The following XRCC4 variants were observed in gnomAD, a reference collection of about 807,000 sequenced individuals.
The protein encoded by XRCC4 is DNA repair protein XRCC4.
XRCC4 carries 28 observed loss-of-function variants against 39.1 expected under a neutral mutation model. That is an observed-to-expected ratio of 0.72 (90% CI 0.53 to 0.98). The LOEUF is 0.98. Ranked by LOEUF, XRCC4 falls within the 50% of genes least tolerant of loss-of-function variation. The probability of loss-of-function intolerance (pLI) is 0.00; values close to 1 mark genes in which losing one functional copy is unlikely to be tolerated. For synonymous variants in XRCC4, 123 were observed against 126.4 expected, an observed-to-expected ratio of 0.97 and a Z score of 0.18; for missense variants, 350 against 376.4, an observed-to-expected ratio of 0.93 and a Z score of 0.58.
At chr5:83,361,353 G>T in the XRCC4 span, among the ~76,000 whole-genome samples, 1 of 152,114 alleles carries the variant, frequency 6.6e-6, no homozygotes, top group Non-Finnish European at 1.5e-5. Flanking sequence ...ATGAGTTTCT[G>T]TAGGATATAT....
At chr5:83,182,134 G>A (rs1750234679) in intron 3 of XRCC4, among the ~76,000 whole-genome samples, 1 of 152,092 alleles carries the variant, frequency 6.6e-6, no homozygotes, top group Non-Finnish European at 1.5e-5. Flanking sequence ...GGAAAACCAG[G>A]TGATATTAAT....
intron 3 of XRCC4, among the ~76,000 whole-genome samples, chr5:83,192,576 G>T (rs1750761238): frequency 6.6e-6 from 1 of 151,998 alleles, no homozygotes; most frequent in African/African-American, 2.4e-5. Flanking sequence ...CTCCCAAAGT[G>T]CTAGGATTAC....
In XRCC4 at chr5:83,319,873, CT is replaced by C. The variant is rs1428482621; in HGVS notation, c.894-33257del. 8.7e-5 allele frequency among the ~76,000 whole-genome samples: 7 copies of C among 80,834 alleles called. No individual in the cohort carries two copies. The South Asian group carries it at 5.0e-3, about 58-fold the overall frequency. 53.0% of individuals were successfully genotyped at this position (80,834 alleles called of 152,430 possible). A position where few individuals can be genotyped will look rare whatever the true frequency, so the allele number is the denominator to read the frequency against. On this transcript the variant is annotated intron_variant, in intron 7 of 7. Coordinates refer to ENST00000396027, the MANE Select transcript of XRCC4 (RefSeq NM_003401.5). ...CATTACTGGGTATATACCCAAATGA[CT>C]ATAAATCATGCTGCTATAAAGACAC... is the stretch of plus-strand genomic sequence containing the variant.
At chr5:83,298,032 T>G (rs914819440) in intron 7 of XRCC4, among the ~76,000 whole-genome samples, 1 of 152,014 alleles carries the variant, frequency 6.6e-6, no homozygotes, top group Non-Finnish European at 1.5e-5. Flanking sequence ...TCTTTATGCC[T>G]CTGCCTTACA....
chr5:83,200,059 C>G (rs1751118296), intron 4 of XRCC4, among the ~76,000 whole-genome samples: 1 of 152,044 alleles, frequency 6.6e-6, no homozygotes. Flanking sequence ...CCTAACAGTT[C>G]CTGTCCAATT....
At chr5:83,305,884 AT>A (rs1385863381) in intron 7 of XRCC4, among the ~76,000 whole-genome samples, 1 of 152,198 alleles carries the variant, frequency 6.6e-6, no homozygotes, top group Non-Finnish European at 1.5e-5. Context: ...AACGAAAAAT[AT>A]CCATGGAATT....
intron 3 of XRCC4, among the ~76,000 whole-genome samples, chr5:83,160,958 A>G (rs556671547): frequency 1.6e-4 from 24 of 152,286 alleles, no homozygotes; most frequent in Non-Finnish European, 3.1e-4. Context: ...TATGTGGGCC[A>G]GTTAATTATT....
chr5:83,188,574 G>C (rs907108098), intron 3 of XRCC4, among the ~76,000 whole-genome samples: 5 of 152,096 alleles, frequency 3.3e-5, no homozygotes, highest in African/African-American at 1.2e-4. Context: ...CAAGAAGCAT[G>C]GTGCCAGTGT....
rs1754500665 is a variant in XRCC4 at position 83,280,541 on chromosome 5, C to G, written c.893+21864C>G. Reference sequence around the variant, plus strand: ...GAAGCTAAATATCTGACATTCTGCACAGGCCCCTGCACTGGAGCCCACACT... The same window carrying G: ...GAAGCTAAATATCTGACATTCTGCAGAGGCCCCTGCACTGGAGCCCACACT... On this transcript the variant is annotated intron_variant, in intron 7 of 7. Transcript: ENST00000396027. The G allele has an allele frequency of 5.3e-5, 32 of 606,786 alleles. No individual in the cohort carries two copies. The South Asian group carries it at 6.8e-4, about 13-fold the overall frequency. 37.6% of individuals were successfully genotyped at this position (606,786 alleles called of 1,614,324 possible). A position where few individuals can be genotyped will look rare whatever the true frequency, so the allele number is the denominator to read the frequency against.
intron 6 of XRCC4, 42 bp downstream of exon 6, chr5:83,204,963 T>C (rs1404394118): frequency 3.0e-6 from 4 of 1,331,352 alleles, no homozygotes; most frequent in Non-Finnish European, 4.3e-6. Flanking sequence ...GAATATCTTA[T>C]TTGGGCTTCT....
At chr5:83,263,518 CTT>C (rs1372484145) in intron 7 of XRCC4, among the ~76,000 whole-genome samples, 1 of 150,940 alleles carries the variant, frequency 6.6e-6, no homozygotes, top group Non-Finnish European at 1.5e-5. Context: ...TGTTTCCTGA[CTT>C]TTGAATGATT....
At chr5:83,192,317 A>ATTTTTTTT (rs1351413254) in intron 3 of XRCC4, among the ~76,000 whole-genome samples, 32 of 93,902 alleles carry the variant, frequency 3.4e-4, no homozygotes, top group South Asian at 1.5e-3. Flanking sequence ...ATATATATAT[A>ATTTTTTTT]TATTTTTTTG....
Position 83,308,618 on chromosome 5 carries a change from G to T in XRCC4, c.894-44513G>T, listed in dbSNP as rs552559551. 9.2e-5 allele frequency among the ~76,000 whole-genome samples: 14 copies of T among 152,078 alleles called. No individual in the cohort carries two copies. In the South Asian group the frequency reaches 1.2e-3, roughly 14 times the overall value. ...CTCTTTACATTCTAAGAACATGTAG[G>T]TACTTGTAATATTTGGCATGTGTTT... is the stretch of plus-strand genomic sequence containing the variant. On this transcript the variant is annotated intron_variant, in intron 7 of 7. Transcript: ENST00000396027.
intron 7 of XRCC4, among the ~76,000 whole-genome samples, chr5:83,288,778 G>A (rs961261200): frequency 1.1e-4 from 16 of 151,634 alleles, no homozygotes; most frequent in East Asian, 1.9e-4. Flanking sequence ...TTGAGTTTCC[G>A]CTATGGTGTT....
chr5:83,209,087 T>TGA (rs202240857), intron 6 of XRCC4, among the ~76,000 whole-genome samples: 2,001 of 59,514 alleles, frequency 0.034, 46 homozygotes, highest in African/African-American at 0.1. Flanking sequence ...AAAGTGAGTG[T>TGA]GTGTGTGTGT....
chr5:83,373,598 G>A, the XRCC4 span, among the ~76,000 whole-genome samples: 794 of 152,284 alleles, frequency 5.2e-3, 8 homozygotes, highest in African/African-American at 0.018. Context: ...GTTCCATAAT[G>A]AGAAATTGAC....
Position 83,229,118 on chromosome 5 carries a change from G to A in XRCC4, c.745+24197G>A, listed in dbSNP as rs999084010. On this transcript the variant is annotated intron_variant, in intron 6 of 7. Coordinates refer to ENST00000396027, the MANE Select transcript of XRCC4 (RefSeq NM_003401.5). The stretch of plus-strand genomic sequence containing the variant: ...ACAGAAACAACTCTAGAATTTAAAC[G>A]CTATAGACTTTCCACTTCTCTTGAT... Among the ~76,000 whole-genome samples the A allele has an allele frequency of 2.6e-5, 4 of 151,954 alleles. No homozygotes were observed. The East Asian group carries it at 5.8e-4, about 22-fold the overall frequency.
At chr5:83,330,515 A>G (rs913465738) in intron 7 of XRCC4, among the ~76,000 whole-genome samples, 3 of 152,148 alleles carry the variant, frequency 2.0e-5, no homozygotes, top group Non-Finnish European at 4.4e-5. Flanking sequence ...TTAGTTAGGT[A>G]TATGTATACA....
Position 83,111,086 on chromosome 5 carries a change from T to A in XRCC4, c.198T>A (p.Tyr66Ter). 6.2e-7 allele frequency: 1 copy of A among 1,612,304 alleles called. No individual in the cohort carries two copies. The highest frequency in any genetic ancestry group is 8.5e-7 in the Non-Finnish European group (1 of 1,179,150). ...ADDMAMEKGK[Y>*]VGELRKALLS... ...ACATGGCAATGGAAAAAGGGAAATA[T>A]GTTGGTGAACTGAGAAAAGCATTGT... Residue 66 changes from tyrosine to a stop codon, truncating the protein, a stop_gained, in exon 3 of 8, where the codon TAT (tyrosine) becomes TAA (stop). Transcript: ENST00000396027. LOFTEE classifies it high-confidence loss of function.
Sources: allele counts gnomAD v4.1 joint callset (sites outside exome capture counted in the v4.1 genomes callset), GRCh38; gene constraint gnomAD v4.1.1; transcripts MANE v1.5; gene names NCBI Gene and HGNC (gene_info 2026-07-23, HGNC 2026-07-21).